ADAMTS20: variants seen among roughly 807,000 people sequenced by gnomAD.
The protein encoded by ADAMTS20 is ADAM metallopeptidase with thrombospondin type 1 motif 20, also known as A disintegrin and metalloproteinase with thrombospondin motifs 20.
Under a neutral mutation model 260.1 loss-of-function variants are expected in ADAMTS20, and 225 were observed. The ratio of observed to expected loss-of-function variants is 0.87; its 90% CI spans 0.78 to 0.97. The LOEUF (loss-of-function observed/expected upper bound fraction) is 0.97. ADAMTS20 is among the 50% of genes least tolerant of loss of function. ADAMTS20 has a pLI of 0.00. For synonymous variants in ADAMTS20, 802 were observed against 769.5 expected, an observed-to-expected ratio of 1.04 and a Z score of -0.70; for missense variants, 2,400 against 2,337.7, an observed-to-expected ratio of 1.03 and a Z score of -0.55.
At chr12:43,484,372 A>G (rs1247870513) in intron 7 of ADAMTS20, among the ~76,000 whole-genome samples, 3 of 152,306 alleles carry the variant, frequency 2.0e-5, no homozygotes, top group Non-Finnish European at 2.9e-5. Flanking sequence ...CAAAAGGTTG[A>G]TTATTAAGTA....
intron 22 of ADAMTS20, 137 bp from the exon 23 acceptor site, chr12:43,430,608 TAAAA>T (rs2137305811): frequency 1.3e-6 from 1 of 789,110 alleles, no homozygotes. Context: ...ATTTAAGACT[TAAAA>T]AGAGCAAATT....
chr12:43,477,620 C>G (rs933057598), intron 7 of ADAMTS20, among the ~76,000 whole-genome samples: 1 of 152,184 alleles, frequency 6.6e-6, no homozygotes, highest in African/African-American at 2.4e-5. Context: ...ATTTAGCACA[C>G]ATATGCACTC....
At position 43,425,804 on chromosome 12, in the gene ADAMTS20, A is replaced by C. The variant is rs554835414; in HGVS notation, c.4108-114T>G. ...ATGTTTATTCTAGTAATTTTAACAT[A>C]ATTAGTTTACTCTAGTAATGTTACT... On this transcript the variant is annotated intron_variant, in intron 27 of 38. Coordinates refer to ENST00000389420, the MANE Select transcript of ADAMTS20 (RefSeq NM_025003.5). The C allele has an allele frequency of 5.0e-5, 36 of 713,942 alleles. 1 individual carries two copies. The South Asian group carries it at 1.3e-3, about 26-fold the overall frequency. The allele number at this position is 713,942 out of a possible 1,614,324, so 44.2% of individuals were successfully genotyped here.
At position 43,492,691 on chromosome 12, in the gene ADAMTS20, T is replaced by G; in HGVS notation, c.952-62A>C. On this transcript the variant is annotated intron_variant, in intron 5 of 38. Coordinates refer to ENST00000389420, the MANE Select transcript of ADAMTS20 (RefSeq NM_025003.5). ...ATTAACGTCCTCTTTTCCTTCCAAG[T>G]TTATCAGCATCTGCACAATTTATCA... 7 of 1,575,662 alleles carry G rather than the reference T, an allele frequency of 4.4e-6. No individual in the cohort carries two copies. The South Asian group carries it at 8.1e-5, about 18-fold the overall frequency.
chr12:43,417,649 T>C (rs1165125328), intron 28 of ADAMTS20, among the ~76,000 whole-genome samples: 1 of 152,238 alleles, frequency 6.6e-6, no homozygotes, highest in Non-Finnish European at 1.5e-5. Flanking sequence ...TCAGAGTTTC[T>C]AAGTCACAGT....
intron 3 of ADAMTS20, among the ~76,000 whole-genome samples, chr12:43,508,717 G>T (rs1409609465): frequency 6.6e-6 from 1 of 152,106 alleles, no homozygotes; most frequent in Non-Finnish European, 1.5e-5. Context: ...GGTAAATGGG[G>T]TATAAATCAT....
At chr12:43,412,802 A>ATTTTTTTT (rs139458463) in intron 28 of ADAMTS20, among the ~76,000 whole-genome samples, 1 of 84,274 alleles carries the variant, frequency 1.2e-5, no homozygotes, top group African/African-American at 5.2e-5. Flanking sequence ...ATAGGAAATA[A>ATTTTTTTT]TTTTTTTTTT....
At chr12:43,430,209 T>C (rs931064676) in intron 23 of ADAMTS20, 143 bp downstream of exon 23, 3 of 948,842 alleles carry the variant, frequency 3.2e-6, no homozygotes, top group Non-Finnish European at 4.3e-6. Flanking sequence ...ACAAATTCTA[T>C]TTTTTTGCCT....
chr12:43,468,762 A>T (rs1942200787), intron 7 of ADAMTS20, 57 bp from the exon 8 acceptor site: 1 of 1,017,226 alleles, frequency 9.8e-7, no homozygotes, highest in African/African-American at 1.6e-5. Flanking sequence ...AAAATCATAA[A>T]GAACTTAATT....
At chr12:43,422,837 C>T (rs1941261476) in intron 28 of ADAMTS20, 1 of 151,890 alleles carries the variant, frequency 6.6e-6, no homozygotes, top group South Asian at 2.1e-4. Context: ...GAAAAGTCAT[C>T]TATACAGAGG....
chr12:43,501,455 G>A (rs1379583806), intron 4 of ADAMTS20, among the ~76,000 whole-genome samples: 2 of 137,116 alleles, frequency 1.5e-5, no homozygotes, highest in African/African-American at 5.8e-5. Flanking sequence ...GGTGGTGGAG[G>A]GGGATACGCG....
chr12:43,514,560 CAAAAAAAAAAAAAAAAAAAAA>C lies in ADAMTS20; in HGVS notation c.614-12176_614-12156del, dbSNP rs58435633. Among the ~76,000 whole-genome samples the C allele has an allele frequency of 1.1e-3, 67 of 63,694 alleles. 2 individuals are homozygous for C. Among genetic ancestry groups the C allele is most frequent in the Admixed American group, 2.1e-3 (11 of 5,254 alleles). 41.8% of individuals were successfully genotyped at this position (63,694 alleles called of 152,430 possible). A position where few individuals can be genotyped will look rare whatever the true frequency, so the allele number is the denominator to read the frequency against. On this transcript the variant is annotated intron_variant, in intron 3 of 38. Transcript: ENST00000389420. ...CCGGTGACAGAGTGAGACTCTATCT[CAAAAAAAAAAAAAAAAAAAAA>C]AAAAAAAAAAAAAAAAAAGCATTCC...
intron 28 of ADAMTS20, among the ~76,000 whole-genome samples, chr12:43,409,628 A>C (rs1273888717): frequency 6.3e-5 from 9 of 141,838 alleles, no homozygotes; most frequent in African/African-American, 1.6e-4. Context: ...AAAAAAAAAA[A>C]AACAAGAAAA....
chr12:43,480,485 A>T (rs553054486), intron 7 of ADAMTS20, among the ~76,000 whole-genome samples: 12 of 152,176 alleles, frequency 7.9e-5, no homozygotes, highest in Non-Finnish European at 1.5e-4. Flanking sequence ...TTCTATTTTC[A>T]GCTTTTTGAG....
Position 43,354,482 on chromosome 12 carries a change from G to A in ADAMTS20, c.5644-184C>T, listed in dbSNP as rs577705347. 1.3e-4 allele frequency among the ~76,000 whole-genome samples: 20 copies of A among 152,204 alleles called. No homozygotes were observed. In the South Asian group the frequency reaches 3.3e-3, roughly 25 times the overall value. On this transcript the variant is annotated intron_variant, in intron 38 of 38. Coordinates refer to ENST00000389420, the MANE Select transcript of ADAMTS20 (RefSeq NM_025003.5). The stretch of plus-strand genomic sequence containing the variant: ...TATTAGTTCAAATTGGTGGACATGG[G>A]AAAGTTAAAGGATATTAGATAACCT...
chr12:43,354,263 G>C lies in ADAMTS20; in HGVS notation c.5679C>G (p.Tyr1893Ter). 1 of 1,594,332 alleles carries C rather than the reference G, an allele frequency of 6.3e-7. No individual in the cohort carries two copies. Among genetic ancestry groups the C allele is most frequent in the Non-Finnish European group, 8.6e-7 (1 of 1,169,156 alleles). The change falls in exon 39 of 39, where the codon TAC (tyrosine) becomes TAG (stop). Residue 1893 changes from tyrosine (Y) to a stop codon, truncating the protein, a stop_gained. Transcript: ENST00000389420. LOFTEE classifies it high-confidence loss of function. ...GTRFFGKCGG[Y>*]CGKCLPHMTT... Reference sequence around the variant, plus strand: ...TCATGTGAGGAAGACACTTTCCACAGTACCCTCCACATTTGCCGAAAAATC... The same window carrying C: ...TCATGTGAGGAAGACACTTTCCACACTACCCTCCACATTTGCCGAAAAATC...
intron 7 of ADAMTS20, among the ~76,000 whole-genome samples, chr12:43,470,927 G>T (rs1293027765): frequency 6.6e-6 from 1 of 152,216 alleles, no homozygotes; most frequent in African/African-American, 2.4e-5. Flanking sequence ...AATAAGAGTT[G>T]TTCAGATATA....
In ADAMTS20 at chr12:43,405,229, CAAAAAAAAAAAAA is replaced by C. The variant is rs869040570; in HGVS notation, c.4285-6009_4285-5997del. On this transcript the variant is annotated intron_variant, in intron 28 of 38. Transcript: ENST00000389420. ...GTAACAAAATGAGACCTCATCTCTACAAAAAAAAAAAAAAAAAAAAAAAAAAAAAAAAATTAGC... is the reference window on the plus strand; with the variant it reads ...GTAACAAAATGAGACCTCATCTCTACAAAAAAAAAAAAAAAAAAAATTAGC... 9.3e-4 allele frequency among the ~76,000 whole-genome samples: 49 copies of C among 52,780 alleles called. No homozygotes were observed. The Admixed American group carries it at 0.011, about 12-fold the overall frequency. 34.6% of individuals were successfully genotyped at this position (52,780 alleles called of 152,430 possible).
In ADAMTS20 at chr12:43,501,461, ACGCGCGCGCGCG is replaced by A. The variant is rs3036316; in HGVS notation, c.867+679_867+690del. 1.5e-4 allele frequency among the ~76,000 whole-genome samples: 20 copies of A among 131,240 alleles called. No homozygotes were observed. The East Asian group carries it at 2.9e-3, about 19-fold the overall frequency. The allele number at this position is 131,240 out of a possible 152,430, so 86.1% of individuals were successfully genotyped here. A position where few individuals can be genotyped will look rare whatever the true frequency, so the allele number is the denominator to read the frequency against. The stretch of plus-strand genomic sequence containing the variant: ...ATGTCCCAGGGTGGTGGAGGGGGAT[ACGCGCGCGCGCG>A]CGCGCGCGCACACACACACACACAC... On this transcript the variant is annotated intron_variant, in intron 4 of 38. Coordinates refer to ENST00000389420, the MANE Select transcript of ADAMTS20 (RefSeq NM_025003.5).
Sources: allele counts gnomAD v4.1 joint callset (sites outside exome capture counted in the v4.1 genomes callset), GRCh38; gene constraint gnomAD v4.1.1; transcripts MANE v1.5; gene names NCBI Gene and HGNC (gene_info 2026-07-23, HGNC 2026-07-21).